CLIP1: variants seen among roughly 807,000 people sequenced by gnomAD.
CLIP1 encodes CAP-Gly domain-containing linker protein 1.
Under a neutral mutation model 161.6 loss-of-function variants are expected in CLIP1, and 66 were observed. The ratio of observed to expected loss-of-function variants is 0.41; its 90% CI spans 0.33 to 0.50. The LOEUF (loss-of-function observed/expected upper bound fraction) is 0.50. CLIP1 is among the 20% of genes least tolerant of loss of function. The probability of loss-of-function intolerance (pLI) is 0.27; values close to 1 mark genes in which losing one functional copy is unlikely to be tolerated. For missense variants in CLIP1, 1,376 were observed against 1,702.0 expected, an observed-to-expected ratio of 0.81 and a Z score of 3.37; for synonymous variants, 598 against 626.2, an observed-to-expected ratio of 0.96 and a Z score of 0.67.
chr12:122,315,377 T>C (rs752825788), intron 19 of CLIP1, among the ~76,000 whole-genome samples: 10 of 152,148 alleles, frequency 6.6e-5, no homozygotes, highest in Non-Finnish European at 1.0e-4. Context: ...GGGTTTTAGG[T>C]TAATACGGTT....
rs1364681276 is a variant in CLIP1 at position 122,272,565 on chromosome 12, T to C, written c.*310A>G. 3.7e-6 allele frequency: 1 copy of C among 270,750 alleles called. No individual in the cohort carries two copies. The highest frequency in any genetic ancestry group is 2.2e-5 in the African/African-American group (1 of 45,754). The allele number at this position is 270,750 out of a possible 1,614,324, so 16.8% of individuals were successfully genotyped here. A position where few individuals can be genotyped will look rare whatever the true frequency, so the allele number is the denominator to read the frequency against. On this transcript the variant is annotated 3_prime_UTR_variant, in exon 26 of 26. Coordinates refer to ENST00000620786, the MANE Select transcript of CLIP1 (RefSeq NM_001247997.2). ...ATTTAAAGTTACTTAAATAAGGTAT[T>C]GTGAGGGTAGGGGTTTTTCTACAAG...
chr12:122,276,340 A>G, intron 24 of CLIP1: 2 of 1,212,146 alleles, frequency 1.6e-6, no homozygotes, highest in South Asian at 1.4e-5. Context: ...CCATTTCAGG[A>G]AGAAGAAAAA....
intron 12 of CLIP1, among the ~76,000 whole-genome samples, chr12:122,335,806 CAA>C (rs529751924): frequency 8.7e-5 from 11 of 127,080 alleles, no homozygotes; most frequent in South Asian, 2.4e-4. Context: ...GACTCTGTCT[CAA>C]AAAAAAAAAA....
chr12:122,285,713 C>A (rs1955823390), intron 21 of CLIP1, among the ~76,000 whole-genome samples: 1 of 147,142 alleles, frequency 6.8e-6, no homozygotes, highest in Non-Finnish European at 1.5e-5. Context: ...TTGTGCTCAA[C>A]TGATCCTCCC....
At chr12:122,333,722 G>A (rs1197559180) in intron 14 of CLIP1, among the ~76,000 whole-genome samples, 2 of 152,212 alleles carry the variant, frequency 1.3e-5, no homozygotes, top group Admixed American at 1.3e-4. Context: ...GGCACAGGCA[G>A]CAGCAGTGAG....
Position 122,319,317 on chromosome 12 carries a change from A to G in CLIP1, c.3281T>C (p.Ile1094Thr), listed in dbSNP as rs764007777. ...CTTCTCTTTGGTCATCTGTTCCATTATCTGCATGGCATCTTCCGCTGTTTG... is the reference window on the plus strand; with the variant it reads ...CTTCTCTTTGGTCATCTGTTCCATTGTCTGCATGGCATCTTCCGCTGTTTG... ...AAQTAEDAMQ[I>T]MEQMTKEKTE... The change falls in exon 18 of 26, where the codon ATA (isoleucine) becomes ACA (threonine). Residue 1094 changes from isoleucine to threonine, a missense_variant. Around this residue, in one of 6 missense-constraint regions of CLIP1, gnomAD observed 948 missense variants for 1,134.8 expected, o/e 0.84. Coordinates refer to ENST00000620786, the MANE Select transcript of CLIP1 (RefSeq NM_001247997.2). The G allele has an allele frequency of 1.2e-6, 2 of 1,614,076 alleles. No homozygotes were observed. The highest frequency in any genetic ancestry group is 1.1e-5 in the South Asian group (1 of 91,088).
At chr12:122,316,694 A>C in intron 19 of CLIP1, 55 bp downstream of exon 19, 1 of 1,088,126 alleles carries the variant, frequency 9.2e-7, no homozygotes, top group Non-Finnish European at 1.3e-6. Context: ...CATTGTGTTC[A>C]CATTTTCAAT....
intron 20 of CLIP1, among the ~76,000 whole-genome samples, chr12:122,297,949 T>C (rs1378748948): frequency 1.3e-5 from 2 of 152,174 alleles, no homozygotes; most frequent in Non-Finnish European, 2.9e-5. Flanking sequence ...ATCCAGTGAC[T>C]GATCCATGTG....
intron 19 of CLIP1, among the ~76,000 whole-genome samples, chr12:122,314,976 T>TC (rs1255578111): frequency 6.6e-6 from 1 of 152,172 alleles, no homozygotes; most frequent in African/African-American, 2.4e-5. Context: ...TTGGAACTGT[T>TC]TAAACATAAT....
chr12:122,358,717 G>A (rs1414743920), intron 5 of CLIP1, among the ~76,000 whole-genome samples: 6 of 150,116 alleles, frequency 4.0e-5, no homozygotes, highest in Non-Finnish European at 7.4e-5. Context: ...TCTGGCACAT[G>A]GTATTTCCTC....
intron 12 of CLIP1, among the ~76,000 whole-genome samples, chr12:122,336,216 A>G (rs1418409407): frequency 6.6e-6 from 1 of 152,196 alleles, no homozygotes; most frequent in Non-Finnish European, 1.5e-5. Context: ...TGCCTCGCCA[A>G]CAGAGGGCGC....
intron 15 of CLIP1, among the ~76,000 whole-genome samples, chr12:122,330,603 T>TTTG (rs1555265533): frequency 7.2e-6 from 1 of 138,654 alleles, no homozygotes; most frequent in Admixed American, 7.1e-5. Context: ...TGCAGTTTTT[T>TTTG]TTTTTTTTTT....
At chr12:122,294,323 T>A in intron 20 of CLIP1, among the ~76,000 whole-genome samples, 1 of 113,238 alleles carries the variant, frequency 8.8e-6, no homozygotes, top group Non-Finnish European at 1.8e-5. Flanking sequence ...TGCAAGACTC[T>A]GTCTCAAAAA....
At chr12:122,281,683 C>T (rs933825294) in intron 21 of CLIP1, among the ~76,000 whole-genome samples, 5 of 151,700 alleles carry the variant, frequency 3.3e-5, no homozygotes, top group African/African-American at 1.2e-4. Flanking sequence ...CACTGCACTC[C>T]AGCCTGGGCA....
rs753261077 is a variant in CLIP1 at position 122,272,912 on chromosome 12, T to G, written c.4280A>C (p.His1427Pro). 3 of 1,614,118 alleles carry G rather than the reference T, an allele frequency of 1.9e-6. No homozygotes were observed. The highest frequency in any genetic ancestry group is 2.5e-6 in the Non-Finnish European group (3 of 1,180,054). The change falls in exon 26 of 26, where the codon CAC becomes CCC. Residue 1427 changes from histidine to proline, a missense_variant. His to Pro is a moderately conservative substitution (Grantham distance 77, BLOSUM62 -2). Around this residue, in one of 6 missense-constraint regions of CLIP1, gnomAD observed 948 missense variants for 1,134.8 expected, o/e 0.84. Coordinates refer to ENST00000620786, the MANE Select transcript of CLIP1 (RefSeq NM_001247997.2). ...GTCGTCATTGCAGTTGGTGGCCCAG[T>G]GTCCAAACATCTCACAGATTTCACA... ...PYCEICEMFG[H>P]WATNCNDDET...
chr12:122,354,223 C>T (rs1236930542), intron 7 of CLIP1, among the ~76,000 whole-genome samples: 3 of 151,860 alleles, frequency 2.0e-5, no homozygotes, highest in African/African-American at 7.3e-5. Context: ...GGTGAAACTC[C>T]ATCTCTACTA....
At position 122,336,544 on chromosome 12, in the gene CLIP1, A is replaced by C. The variant is rs553220294; in HGVS notation, c.2568+88T>G. 4 of 702,186 alleles carry C rather than the reference A, an allele frequency of 5.7e-6. No individual in the cohort carries two copies. In the East Asian group the frequency reaches 7.6e-5, roughly 13 times the overall value. 43.5% of individuals were successfully genotyped at this position (702,186 alleles called of 1,614,324 possible). On this transcript the variant is annotated intron_variant, in intron 12 of 25. Coordinates refer to ENST00000620786, the MANE Select transcript of CLIP1 (RefSeq NM_001247997.2). ...GAATCAACACTTAGAAAGAGAAAGGAAACAGCTACAATATTTCTTACTGGA... is the reference window on the plus strand; with the variant it reads ...GAATCAACACTTAGAAAGAGAAAGGCAACAGCTACAATATTTCTTACTGGA...
chr12:122,374,338 C>T (rs951331600), intron 3 of CLIP1, among the ~76,000 whole-genome samples: 25 of 132,980 alleles, frequency 1.9e-4, no homozygotes, highest in African/African-American at 6.1e-4. Context: ...AAAAAAATAG[C>T]GGCCGGGCGC....
chr12:122,347,533 A>T, intron 9 of CLIP1, 54 bp from the exon 10 acceptor site: 2 of 1,362,278 alleles, frequency 1.5e-6, no homozygotes, highest in Non-Finnish European at 2.1e-6. Context: ...ATGACATGCC[A>T]GCACGAGAGG....
Sources: gnomAD v4.1 joint callset for allele counts (sites outside exome capture counted in the v4.1 genomes callset) on GRCh38, gnomAD v4.1.1 for gene constraint, gnomAD v4.1.1 regional missense constraint, MANE v1.5 for transcripts, NCBI Gene and HGNC (gene_info 2026-07-23, HGNC 2026-07-21) for gene names.